MPDZ: variants seen among roughly 807,000 people sequenced by gnomAD.
MPDZ encodes the protein multiple PDZ domain protein.
MPDZ carries 234 observed loss-of-function variants against 239.1 expected under a neutral mutation model. The ratio of observed to expected loss-of-function variants is 0.98; its 90% CI spans 0.88 to 1.09. The LOEUF is 1.09. Among genes scored for constraint, MPDZ ranks in the 50% least tolerant of loss-of-function variants. The pLI is 0.00. For missense variants in MPDZ, 3,175 were observed against 2,510.0 expected, an observed-to-expected ratio of 1.26 and a Z score of -5.66; for synonymous variants, 1,048 against 881.3, an observed-to-expected ratio of 1.19 and a Z score of -3.35.
chr9:13,133,772 C>A, intron 32 of MPDZ, 52 bp downstream of exon 32: 1 of 1,266,986 alleles, frequency 7.9e-7, no homozygotes, highest in Non-Finnish European at 1.1e-6. Context: ...TGAATTAGAA[C>A]ACTGAGGTAA....
chr9:13,183,923 A>G (rs1209959577), intron 18 of MPDZ, among the ~76,000 whole-genome samples: 1 of 152,060 alleles, frequency 6.6e-6, no homozygotes, highest in African/African-American at 2.4e-5. Flanking sequence ...CAACTCTTAC[A>G]ATTTTATAAT....
chr9:13,198,374 T>C (rs1174568978), intron 12 of MPDZ, among the ~76,000 whole-genome samples: 1 of 152,188 alleles, frequency 6.6e-6, no homozygotes, highest in Non-Finnish European at 1.5e-5. Flanking sequence ...CATATACCTA[T>C]TGGCCATTTG....
At chr9:13,129,052 G>C (rs1406136639) in intron 32 of MPDZ, among the ~76,000 whole-genome samples, 3 of 152,158 alleles carry the variant, frequency 2.0e-5, no homozygotes, top group Non-Finnish European at 4.4e-5. Context: ...TTTGCAATAA[G>C]AGGAGTCCTA....
At chr9:13,249,331 A>G (rs1233399602) in intron 2 of MPDZ, among the ~76,000 whole-genome samples, 1 of 152,204 alleles carries the variant, frequency 6.6e-6, no homozygotes, top group African/African-American at 2.4e-5. Flanking sequence ...AACAGTTTAA[A>G]TAATTCTATA....
At chr9:13,224,927 C>T (rs560756921) in intron 3 of MPDZ, among the ~76,000 whole-genome samples, 19 of 152,248 alleles carry the variant, frequency 1.2e-4, no homozygotes, top group Admixed American at 6.5e-4. Context: ...AACCTCTAAA[C>T]TCTCAGAATT....
At chr9:13,155,027 G>C (rs899794895) in intron 24 of MPDZ, among the ~76,000 whole-genome samples, 45 of 152,036 alleles carry the variant, frequency 3.0e-4, no homozygotes, top group African/African-American at 1.0e-3. Context: ...GACCATCCTG[G>C]CCAACACGGT....
At position 13,169,042 on chromosome 9, in the gene MPDZ, G is replaced by C. The variant is rs185626895; in HGVS notation, c.3056-478C>G. Among the ~76,000 whole-genome samples the C allele has an allele frequency of 4.9e-4, 75 of 152,228 alleles. 1 individual carries two copies. The highest frequency in any genetic ancestry group is 1.7e-3 in the African/African-American group (71 of 41,546). On this transcript the variant is annotated intron_variant, in intron 21 of 46. Transcript: ENST00000319217. ...TCTATTTACTATATGGCTAATATGT[G>C]CCAAGTACTATGTTGGTTGCTTAGG... is the stretch of plus-strand genomic sequence containing the variant.
Position 13,106,594 on chromosome 9 carries a change from C to A in MPDZ, c.*371G>T. The A allele has an allele frequency of 6.2e-6, 1 of 161,584 alleles. No individual in the cohort carries two copies. 10.0% of individuals were successfully genotyped at this position (161,584 alleles called of 1,614,324 possible). A position where few individuals can be genotyped will look rare whatever the true frequency, so the allele number is the denominator to read the frequency against. ...TTTATTTTATATTTTCATTTTTCAT[C>A]CTAATTTACTGAAGCCATTTTCTTT... On this transcript the variant is annotated 3_prime_UTR_variant, in exon 47 of 47. Transcript: ENST00000319217.
intron 1 of MPDZ, among the ~76,000 whole-genome samples, chr9:13,257,594 G>A (rs1216111927): frequency 6.6e-6 from 1 of 152,176 alleles, no homozygotes; most frequent in Middle Eastern, 3.2e-3. Context: ...AGTAAAAATC[G>A]ATTGGTGTAT....
At chr9:13,122,303 TCC>T (rs1944468743) in intron 36 of MPDZ, 133 bp from the exon 37 acceptor site, 14 of 737,072 alleles carry the variant, frequency 1.9e-5, no homozygotes, top group Admixed American at 2.9e-5. Flanking sequence ...CAGTACAAGC[TCC>T]ATATAATTCA....
chr9:13,159,450 A>T (rs2133452604), intron 23 of MPDZ, among the ~76,000 whole-genome samples: 1 of 152,274 alleles, frequency 6.6e-6, no homozygotes, highest in African/African-American at 2.4e-5. Context: ...AATGTCAAAG[A>T]GTTGACAGAG....
chr9:13,226,415 T>C (rs935671781), intron 3 of MPDZ, among the ~76,000 whole-genome samples: 1 of 152,120 alleles, frequency 6.6e-6, no homozygotes, highest in Admixed American at 6.6e-5. Context: ...ATTGATGTTT[T>C]TGAGTCACTC....
At chr9:13,183,389 T>C (rs1449163334) in intron 19 of MPDZ, 29 bp downstream of exon 19, 2 of 1,569,290 alleles carry the variant, frequency 1.3e-6, no homozygotes, top group Non-Finnish European at 1.7e-6. Context: ...GACTTTCCTA[T>C]AAAAGAAAAA....
chr9:13,278,801 C>T (rs550584972), intron 1 of MPDZ, among the ~76,000 whole-genome samples: 1 of 152,096 alleles, frequency 6.6e-6, no homozygotes, highest in East Asian at 2.0e-4. Flanking sequence ...AAGGCGAGAA[C>T]GCAGGACCAG....
At position 13,149,040 on chromosome 9, in the gene MPDZ, G is replaced by A. The variant is rs1204637321; in HGVS notation, c.3631-1382C>T. Among the ~76,000 whole-genome samples the A allele has an allele frequency of 2.6e-5, 4 of 151,900 alleles. No homozygotes were observed. In the East Asian group the frequency reaches 7.7e-4, roughly 29 times the overall value. On this transcript the variant is annotated intron_variant, in intron 25 of 46. Transcript: ENST00000319217. ...TCAAAGGTATTTAATAGTGAGGTATGCATAAAATAAACTTCTTAGTGACAA... is the reference window on the plus strand; with the variant it reads ...TCAAAGGTATTTAATAGTGAGGTATACATAAAATAAACTTCTTAGTGACAA...
Position 13,150,544 on chromosome 9 carries a change from A to G in MPDZ, c.3597T>C (p.Asn1199=), listed in dbSNP as rs762687455. 3 of 1,577,324 alleles carry G rather than the reference A, an allele frequency of 1.9e-6. No individual in the cohort carries two copies. The highest frequency in any genetic ancestry group is 2.7e-5 in the African/African-American group (2 of 73,306). The change falls in exon 25 of 47, where the codon AAT becomes AAC. Residue 1199 remains asparagine, a synonymous_variant. Coordinates refer to ENST00000319217, the MANE Select transcript of MPDZ (RefSeq NM_001378778.1). ...HVLEDSPAGK[N]GTLKPGDRIV... ...TTCTATCTCCAGGTTTCAAGGTTCC[A>G]TTTTTGCCAGCTGGACTATCTTCCA...
At chr9:13,219,814 G>A (rs961428429) in intron 7 of MPDZ, 46 bp from the exon 8 acceptor site, 1 of 1,554,552 alleles carries the variant, frequency 6.4e-7, no homozygotes, top group African/African-American at 1.4e-5. Flanking sequence ...TATTTTAACT[G>A]CAACAGATAA....
intron 12 of MPDZ, among the ~76,000 whole-genome samples, chr9:13,198,253 G>C (rs1016003850): frequency 3.3e-5 from 5 of 151,992 alleles, no homozygotes; most frequent in African/African-American, 1.2e-4. Flanking sequence ...ATCCTTGTCA[G>C]CATTCATTAT....
At chr9:13,255,913 G>A (rs977152874) in intron 1 of MPDZ, among the ~76,000 whole-genome samples, 1 of 152,122 alleles carries the variant, frequency 6.6e-6, no homozygotes, top group African/African-American at 2.4e-5. Flanking sequence ...TTAAAGCTTT[G>A]AAGCCAGACA....
Sources: allele counts gnomAD v4.1 joint callset (sites outside exome capture counted in the v4.1 genomes callset), GRCh38; gene constraint gnomAD v4.1.1; transcripts MANE v1.5; gene names NCBI Gene and HGNC (gene_info 2026-07-23, HGNC 2026-07-21).